The following ESRRG variants were observed in gnomAD, a reference collection of about 807,000 sequenced individuals.
The protein encoded by ESRRG is estrogen-related receptor gamma.
In ESRRG, 13 loss-of-function variants were observed where a neutral mutation model predicts 44.0. The observed-to-expected ratio is 0.30, with a 90% confidence interval of 0.19 to 0.47. The LOEUF is 0.47. Among genes scored for constraint, ESRRG ranks in the 20% least tolerant of loss-of-function variants. The probability of loss-of-function intolerance (pLI) is 1.00; values close to 1 mark genes in which losing one functional copy is unlikely to be tolerated. For synonymous variants in ESRRG, 215 were observed against 214.6 expected (o/e 1.00, Z -0.02); for missense variants, 395 against 580.6 (o/e 0.68, Z 3.29).
chr1:216,618,051 T>A (rs1415114282), intron 3 of ESRRG, among the ~76,000 whole-genome samples: 1 of 152,210 alleles, frequency 6.6e-6, no homozygotes, highest in East Asian at 1.9e-4. Flanking sequence ...CATCAAAAAA[T>A]TCATTGAAGT....
intron 1 of ESRRG, among the ~76,000 whole-genome samples, chr1:216,708,619 G>A (rs1050178714): frequency 1.8e-4 from 27 of 152,198 alleles, no homozygotes; most frequent in African/African-American, 6.0e-4. Context: ...GTTGATGAGA[G>A]TGTAAATTAG....
At chr1:216,538,258 TTG>T (rs5780889) in intron 5 of ESRRG, among the ~76,000 whole-genome samples, 86,813 of 151,200 alleles carry the variant, frequency 0.57, 26,516 homozygotes, top group African/African-American at 0.79. Context: ...ATTAAAAATT[TTG>T]TGTGTGTGTG....
intron 2 of ESRRG, among the ~76,000 whole-genome samples, chr1:216,741,039 G>A (rs1203746747): frequency 6.6e-6 from 1 of 151,704 alleles, no homozygotes; most frequent in African/African-American, 2.4e-5. Flanking sequence ...CTGGCATTGA[G>A]TTATCACAGT....
intron 2 of ESRRG, among the ~76,000 whole-genome samples, chr1:216,790,775 G>A (rs1236590965): frequency 6.6e-6 from 1 of 152,082 alleles, no homozygotes; most frequent in Non-Finnish European, 1.5e-5. Flanking sequence ...ATCAGTTGTA[G>A]TAATTTCATC....
chr1:216,605,580 G>A (rs2059824540), intron 3 of ESRRG, among the ~76,000 whole-genome samples: 1 of 152,094 alleles, frequency 6.6e-6, no homozygotes, highest in Non-Finnish European at 1.5e-5. Flanking sequence ...TATGTATACT[G>A]TCACCAATAG....
chr1:216,694,359 T>C (rs11572681), intron 1 of ESRRG, among the ~76,000 whole-genome samples: 1 of 152,074 alleles, frequency 6.6e-6, no homozygotes, highest in Non-Finnish European at 1.5e-5. Context: ...TGAAGAATAC[T>C]GTAGGGGATA....
chr1:216,900,055 C>A (rs529541369), intron 2 of ESRRG, among the ~76,000 whole-genome samples: 9 of 152,244 alleles, frequency 5.9e-5, no homozygotes, highest in African/African-American at 1.9e-4. Context: ...ACAGTTTTGT[C>A]GTCTCTATAT....
intron 2 of ESRRG, among the ~76,000 whole-genome samples, chr1:216,675,161 G>C (rs993965343): frequency 6.6e-6 from 1 of 152,070 alleles, no homozygotes; most frequent in Non-Finnish European, 1.5e-5. Flanking sequence ...GGGAGTTCGA[G>C]ACCAGCCTGG....
At chr1:216,541,561 AGTGTGTGTGTGTGTGTGTGTGTGT>A (rs34245595) in intron 5 of ESRRG, among the ~76,000 whole-genome samples, 14 of 130,314 alleles carry the variant, frequency 1.1e-4, no homozygotes, top group Non-Finnish European at 1.8e-4. Context: ...TCTTTTGGTT[AGTGTGTGTGTGTGTGTGTGTGTGT>A]GTGTGTGTGT....
intron 1 of ESRRG, chr1:216,714,680 C>T: frequency 2.7e-6 from 1 of 369,408 alleles, no homozygotes; most frequent in East Asian, 1.6e-4. Flanking sequence ...GAGTTTTTAA[C>T]CTCTTATTAT....
chr1:216,934,291 G>A (rs993853089), intron 2 of ESRRG, among the ~76,000 whole-genome samples: 5 of 152,046 alleles, frequency 3.3e-5, no homozygotes, highest in Admixed American at 1.3e-4. Flanking sequence ...AAAATTAGCC[G>A]GACGTGGTGG....
At chr1:216,881,484 G>T (rs1182482801) in intron 2 of ESRRG, among the ~76,000 whole-genome samples, 1 of 152,070 alleles carries the variant, frequency 6.6e-6, no homozygotes, top group Non-Finnish European at 1.5e-5. Context: ...AGGGGGAGTG[G>T]GGATGGAGCT....
chr1:216,548,745 G>T (rs920414453), intron 5 of ESRRG, among the ~76,000 whole-genome samples: 14 of 151,962 alleles, frequency 9.2e-5, no homozygotes, highest in Admixed American at 8.5e-4. Context: ...ATGCCTCCTT[G>T]CTCGTCCGTA....
intron 1 of ESRRG, among the ~76,000 whole-genome samples, chr1:217,012,325 A>G (rs1283730670): frequency 1.3e-5 from 2 of 152,170 alleles, no homozygotes; most frequent in African/African-American, 2.4e-5. Context: ...TATGCAATCA[A>G]TATCTGCAAA....
intron 1 of ESRRG, among the ~76,000 whole-genome samples, chr1:217,005,225 C>T (rs1225842092): frequency 6.6e-6 from 1 of 152,116 alleles, no homozygotes; most frequent in African/African-American, 2.4e-5. Context: ...TCCAAGGATT[C>T]TAAATGAGAA....
At chr1:216,846,421 G>C (rs1298176886) in intron 2 of ESRRG, among the ~76,000 whole-genome samples, 6 of 152,110 alleles carry the variant, frequency 3.9e-5, no homozygotes. Flanking sequence ...CGGATAGTCA[G>C]TATTTTAGGC....
intron 1 of ESRRG, among the ~76,000 whole-genome samples, chr1:217,099,723 G>A (rs1442589630): frequency 6.6e-6 from 1 of 152,210 alleles, no homozygotes; most frequent in African/African-American, 2.4e-5. Flanking sequence ...TAACACAGGT[G>A]TTAGTTGGAT....
chr1:217,030,124 A>T (rs186689205), intron 1 of ESRRG, among the ~76,000 whole-genome samples: 1 of 151,940 alleles, frequency 6.6e-6, no homozygotes, highest in Admixed American at 6.6e-5. Context: ...CTACACAGAG[A>T]TTCTTTCTCT....
At chr1:216,727,935 T>C (rs144612362), upstream of ESRRG, among the ~76,000 whole-genome samples, 801 of 152,286 alleles carry the variant, frequency 5.3e-3, 1 homozygote, top group Non-Finnish European at 9.5e-3. Context: ...CAGAAACTAA[T>C]AGAGGCAATT....
Sources: allele counts gnomAD v4.1 joint callset (sites outside exome capture counted in the v4.1 genomes callset), GRCh38; gene constraint gnomAD v4.1.1; transcripts MANE v1.5; gene names NCBI Gene and HGNC (gene_info 2026-07-23, HGNC 2026-07-21).